Variants in TBC1D32 observed in about 807,000 individuals in gnomAD.
TBC1D32 encodes protein broad-minded.
TBC1D32 carries 151 observed loss-of-function variants against 170.3 expected under a neutral mutation model. The observed-to-expected ratio is 0.89, with a 90% confidence interval of 0.78 to 1.01. The LOEUF (loss-of-function observed/expected upper bound fraction) is 1.01. TBC1D32 is among the 50% of genes least tolerant of loss of function. The pLI, the probability that TBC1D32 is intolerant of heterozygous loss-of-function variation, is 0.00. For missense variants in TBC1D32, 1,464 were observed against 1,457.1 expected (o/e 1.00, Z -0.08); for synonymous variants, 498 against 488.0 (o/e 1.02, Z -0.27).
chr6:121,183,788 A>G lies in TBC1D32; in HGVS notation c.2570+21287T>C, dbSNP rs114450578. ...ATTGGAAAGAAAAAAACATAGTACA[A>G]GACGTCAATGGAGAGTTGCAGAATT... On this transcript the variant is annotated intron_variant, in intron 22 of 31. Transcript: ENST00000398212. Among the ~76,000 whole-genome samples the G allele has an allele frequency of 5.2e-3, 798 of 152,232 alleles. 9 individuals carry two copies. The highest frequency in any genetic ancestry group is 0.017 in the African/African-American group (690 of 41,570).
chr6:121,132,820 A>T (rs912855088), intron 24 of TBC1D32, among the ~76,000 whole-genome samples: 2 of 151,970 alleles, frequency 1.3e-5, no homozygotes, highest in South Asian at 4.1e-4. Context: ...TTTTATTTTT[A>T]AAAAATCAAC....
chr6:121,160,890 A>T, intron 23 of TBC1D32, 58 bp downstream of exon 23: 2 of 1,369,752 alleles, frequency 1.5e-6, no homozygotes, highest in Non-Finnish European at 2.1e-6. Context: ...TGAGTTGGCT[A>T]TCTTGCTTCA....
rs943879946 is a variant in TBC1D32, at chr6:121,112,764, T to C, written c.3170-105A>G. 6.7e-6 allele frequency: 7 copies of C among 1,039,832 alleles called. No individual in the cohort carries two copies. The African/African-American group carries it at 1.2e-4, about 17-fold the overall frequency. 64.4% of individuals were successfully genotyped at this position (1,039,832 alleles called of 1,614,324 possible). ...ATATTAAATAAAAAGCAGACATTCTTATTCTGAATTTATGAAACTTAGTTT... is the reference window on the plus strand; with the variant it reads ...ATATTAAATAAAAAGCAGACATTCTCATTCTGAATTTATGAAACTTAGTTT... On this transcript the variant is annotated intron_variant, in intron 28 of 31. Transcript: ENST00000398212.
At chr6:121,265,221 G>A (rs1002119069) in intron 15 of TBC1D32, among the ~76,000 whole-genome samples, 2 of 152,132 alleles carry the variant, frequency 1.3e-5, no homozygotes, top group Non-Finnish European at 2.9e-5. Context: ...CAAAGTCCCA[G>A]TATATAAAAT....
intron 21 of TBC1D32, among the ~76,000 whole-genome samples, chr6:121,221,383 C>T (rs1323336835): frequency 6.6e-6 from 1 of 152,136 alleles, no homozygotes; most frequent in Non-Finnish European, 1.5e-5. Flanking sequence ...ACATAACATC[C>T]ATTCTGTAGC....
intron 22 of TBC1D32, among the ~76,000 whole-genome samples, chr6:121,173,169 G>A (rs1431650228): frequency 6.6e-6 from 1 of 152,128 alleles, no homozygotes; most frequent in Non-Finnish European, 1.5e-5. Context: ...AATAAAAGCA[G>A]GTAGAAGAGC....
chr6:121,308,751 A>C (rs549803194), intron 4 of TBC1D32, among the ~76,000 whole-genome samples: 1 of 128,176 alleles, frequency 7.8e-6, no homozygotes, highest in Non-Finnish European at 1.5e-5. Context: ...TGCGGACTGC[A>C]GTGGCGCAAT....
At chr6:121,159,071 A>G (rs1785265519) in intron 24 of TBC1D32, among the ~76,000 whole-genome samples, 1 of 152,188 alleles carries the variant, frequency 6.6e-6, no homozygotes, top group Non-Finnish European at 1.5e-5. Flanking sequence ...TCTGCCAAAA[A>G]GAAAAAATGC....
chr6:121,238,947 A>G (rs968234248), intron 20 of TBC1D32, 123 bp downstream of exon 20: 3 of 482,524 alleles, frequency 6.2e-6, no homozygotes, highest in Non-Finnish European at 1.1e-5. Flanking sequence ...AAAATTAAAA[A>G]GAGGAGAAAT....
chr6:121,307,331 A>G (rs980493324), intron 5 of TBC1D32, among the ~76,000 whole-genome samples: 15 of 152,140 alleles, frequency 9.9e-5, no homozygotes, highest in African/African-American at 3.1e-4. Flanking sequence ...AGCTGTGATC[A>G]TGCCACTACA....
In TBC1D32 at chr6:121,256,183, AG is replaced by A. The variant is rs776493979; in HGVS notation, c.1835del (p.Ala612ValfsTer19). ...GSEMLPVVKG[A>X]FISVCRHIYS... ...ATATGTGACGACACACAGAAATAAA[AG>A]CTCCTTTAACCACAGGCAACATTTC... On this transcript the variant is annotated frameshift_variant, in exon 16 of 32. Coordinates refer to ENST00000398212, the MANE Select transcript of TBC1D32 (RefSeq NM_152730.6). LOFTEE classifies it high-confidence loss of function. 2.5e-6 allele frequency: 4 copies of A among 1,614,018 alleles called. No individual in the cohort carries two copies. Among genetic ancestry groups the A allele is most frequent in the Admixed American group, 3.3e-5 (2 of 60,014 alleles).
chr6:121,231,191 C>T (rs1795688674), intron 20 of TBC1D32, among the ~76,000 whole-genome samples: 2 of 151,970 alleles, frequency 1.3e-5, no homozygotes, highest in Admixed American at 1.3e-4. Flanking sequence ...ATCCCAGCAC[C>T]ATTTTTTGAA....
At chr6:121,198,216 ATGTG>A (rs1326154040) in intron 22 of TBC1D32, among the ~76,000 whole-genome samples, 1 of 117,868 alleles carries the variant, frequency 8.5e-6, no homozygotes. Context: ...TATTATATAT[ATGTG>A]TGTATAATAT....
intron 15 of TBC1D32, among the ~76,000 whole-genome samples, chr6:121,259,463 T>G (rs766667191): frequency 1.3e-5 from 2 of 152,276 alleles, no homozygotes; most frequent in Non-Finnish European, 2.9e-5. Flanking sequence ...AGAATTAGTC[T>G]TCCTAATTTT....
chr6:121,200,961 T>C (rs1791469788), intron 22 of TBC1D32, among the ~76,000 whole-genome samples: 2 of 151,392 alleles, frequency 1.3e-5, no homozygotes, highest in South Asian at 4.1e-4. Context: ...TAGAGATACA[T>C]TAGGGTAAGA....
rs766219933 is a variant in TBC1D32 at position 121,113,127 on chromosome 6, G to C, written c.3104C>G (p.Thr1035Ser). 1 of 1,611,634 alleles carries C rather than the reference G, an allele frequency of 6.2e-7. No individual in the cohort carries two copies. Among genetic ancestry groups the C allele is most frequent in the Non-Finnish European group, 8.5e-7 (1 of 1,179,022 alleles). The change falls in exon 28 of 32, where the codon ACC becomes AGC. Residue 1035 changes from threonine to serine, a missense_variant. Coordinates refer to ENST00000398212, the MANE Select transcript of TBC1D32 (RefSeq NM_152730.6). ...TCTCTCACAATGCTTTAAAACCCAG[G>C]TAAGATCATTTTCTGCACCATCTTT... Reference protein sequence around the residue: ...LLKDGAENDLTWVLKHCERFL... With the variant: ...LLKDGAENDLSWVLKHCERFL...
intron 21 of TBC1D32, among the ~76,000 whole-genome samples, chr6:121,216,112 G>A (rs1308653723): frequency 6.6e-6 from 1 of 152,216 alleles, no homozygotes; most frequent in Non-Finnish European, 1.5e-5. Flanking sequence ...TTGAGTCAGT[G>A]GGCTGGGGAA....
intron 2 of TBC1D32, among the ~76,000 whole-genome samples, chr6:121,320,645 G>A (rs904704836): frequency 1.9e-4 from 29 of 152,102 alleles, no homozygotes; most frequent in African/African-American, 6.5e-4. Context: ...TTAGTGAATC[G>A]AACTTGCTAA....
At chr6:121,228,267 AT>A (rs1413053063) in intron 20 of TBC1D32, among the ~76,000 whole-genome samples, 1 of 151,764 alleles carries the variant, frequency 6.6e-6, no homozygotes, top group African/African-American at 2.4e-5. Flanking sequence ...TGTTTCATTG[AT>A]TTCTGCTCTA....
Sources: allele counts gnomAD v4.1 joint callset (sites outside exome capture counted in the v4.1 genomes callset), GRCh38; gene constraint gnomAD v4.1.1; transcripts MANE v1.5; gene names NCBI Gene and HGNC (gene_info 2026-07-23, HGNC 2026-07-21).